The following FAM227B variants were observed in gnomAD, a reference collection of about 807,000 sequenced individuals.
FAM227B encodes the protein protein FAM227B.
Under a neutral mutation model 73.8 loss-of-function variants are expected in FAM227B, and 88 were observed. The observed-to-expected ratio is 1.19, with a 90% CI of 1.00 to 1.42. FAM227B has a LOEUF of 1.42. Among genes scored for constraint, FAM227B ranks in the 40% most tolerant of loss-of-function variants. The pLI is 0.00. For missense variants in FAM227B, 632 were observed against 590.9 expected, an observed-to-expected ratio of 1.07 and a Z score of -0.72; for synonymous variants, 210 against 190.5, an observed-to-expected ratio of 1.10 and a Z score of -0.84.
intron 11 of FAM227B, among the ~76,000 whole-genome samples, chr15:49,452,001 T>C (rs1441307094): frequency 6.6e-6 from 1 of 152,092 alleles, no homozygotes; most frequent in Non-Finnish European, 1.5e-5. Flanking sequence ...TGATATCTTA[T>C]ATCACTACTT....
chr15:49,601,403 C>G (rs936073181), intron 3 of FAM227B, among the ~76,000 whole-genome samples: 2 of 152,008 alleles, frequency 1.3e-5, no homozygotes, highest in African/African-American at 4.8e-5. Context: ...AAACTCTACA[C>G]TTTAACTCCC....
intron 13 of FAM227B, among the ~76,000 whole-genome samples, chr15:49,361,076 A>G (rs909990755): frequency 6.6e-6 from 1 of 152,186 alleles, no homozygotes; most frequent in African/African-American, 2.4e-5. Flanking sequence ...GTTAGGAGGG[A>G]TAAATGATAA....
At chr15:49,614,052 T>C (rs537217205) in intron 2 of FAM227B, among the ~76,000 whole-genome samples, 6 of 152,352 alleles carry the variant, frequency 3.9e-5, no homozygotes, top group African/African-American at 1.4e-4. Flanking sequence ...ATTTAAGCAT[T>C]GACTTTTTTT....
At chr15:49,552,544 C>T (rs2073155594) in intron 9 of FAM227B, among the ~76,000 whole-genome samples, 1 of 152,024 alleles carries the variant, frequency 6.6e-6, no homozygotes, top group Admixed American at 6.6e-5. Flanking sequence ...AGGAAATTGC[C>T]TATTATCCCT....
intron 11 of FAM227B, among the ~76,000 whole-genome samples, chr15:49,472,037 T>C (rs1342633704): frequency 1.3e-5 from 2 of 148,506 alleles, no homozygotes; most frequent in African/African-American, 4.9e-5. Context: ...AAAAAAAAGC[T>C]GTGAAAGTAA....
chr15:49,411,830 G>A (rs538104400), intron 11 of FAM227B, among the ~76,000 whole-genome samples: 12 of 151,766 alleles, frequency 7.9e-5, no homozygotes, highest in African/African-American at 1.2e-4. Flanking sequence ...TTTTTGCTTC[G>A]CAGACATTTC....
chr15:49,448,824 AG>A (rs1268476441), intron 11 of FAM227B, among the ~76,000 whole-genome samples: 2 of 151,798 alleles, frequency 1.3e-5, no homozygotes, highest in Non-Finnish European at 2.9e-5. Context: ...CTTTTCTTGA[AG>A]CTCTCCAAGA....
chr15:49,607,808 T>C (rs2077619083), intron 3 of FAM227B, among the ~76,000 whole-genome samples: 1 of 152,220 alleles, frequency 6.6e-6, no homozygotes, highest in Non-Finnish European at 1.5e-5. Flanking sequence ...GGCTGTATTA[T>C]TAAATGGATA....
chr15:49,429,372 T>C (rs1292917402), intron 11 of FAM227B, among the ~76,000 whole-genome samples: 1 of 151,964 alleles, frequency 6.6e-6, no homozygotes, highest in Non-Finnish European at 1.5e-5. Context: ...TTTTATAATC[T>C]TTTCTTTTTG....
At chr15:49,397,643 G>T (rs552612972) in intron 11 of FAM227B, among the ~76,000 whole-genome samples, 12 of 152,324 alleles carry the variant, frequency 7.9e-5, no homozygotes, top group African/African-American at 2.6e-4. Flanking sequence ...GACTAACAGC[G>T]GATCTCTTGG....
intron 10 of FAM227B, among the ~76,000 whole-genome samples, chr15:49,539,882 C>T (rs1379847028): frequency 6.6e-6 from 1 of 152,124 alleles, no homozygotes; most frequent in Non-Finnish European, 1.5e-5. Context: ...GCTAGCTTGT[C>T]GTGAAAATGA....
At chr15:49,476,100 C>A (rs1195030348) in intron 11 of FAM227B, among the ~76,000 whole-genome samples, 1 of 152,028 alleles carries the variant, frequency 6.6e-6, no homozygotes, top group African/African-American at 2.4e-5. Context: ...ATCTTTTCTA[C>A]CTATGTCAAC....
At chr15:49,555,555 G>A (rs972124309) in intron 9 of FAM227B, among the ~76,000 whole-genome samples, 3 of 152,154 alleles carry the variant, frequency 2.0e-5, no homozygotes, top group African/African-American at 7.2e-5. Context: ...ATAGTATTTT[G>A]CAGTTCTTCA....
intron 2 of FAM227B, chr15:49,614,854 C>T: frequency 5.2e-6 from 2 of 387,576 alleles, no homozygotes; most frequent in South Asian, 4.6e-5. Context: ...TTCTTCCTTG[C>T]TATATAAAAC....
chr15:49,600,557 G>C (rs1347771687), intron 3 of FAM227B, among the ~76,000 whole-genome samples: 1 of 150,860 alleles, frequency 6.6e-6, no homozygotes, highest in East Asian at 1.9e-4. Context: ...AGGAGGCTGA[G>C]GCAGGGAGAA....
chr15:49,617,627 T>TAA (rs61396000), intron 1 of FAM227B, among the ~76,000 whole-genome samples: 13 of 151,682 alleles, frequency 8.6e-5, no homozygotes, highest in Non-Finnish European at 1.6e-4. Context: ...TGCAAGATAC[T>TAA]AAAAAAAAAT....
chr15:49,387,839 G>A (rs899603392), intron 11 of FAM227B, among the ~76,000 whole-genome samples: 1 of 151,800 alleles, frequency 6.6e-6, no homozygotes, highest in African/African-American at 2.4e-5. Flanking sequence ...GCATCAAGCT[G>A]AGAATCAGAT....
At chr15:49,542,932 A>G (rs1465951532) in intron 9 of FAM227B, among the ~76,000 whole-genome samples, 3 of 151,900 alleles carry the variant, frequency 2.0e-5, no homozygotes, top group Non-Finnish European at 4.4e-5. Flanking sequence ...GGCTGGTTTC[A>G]TATTTTTGCA....
chr15:49,562,696 C>A (rs531972109), intron 9 of FAM227B, among the ~76,000 whole-genome samples: 1 of 151,996 alleles, frequency 6.6e-6, no homozygotes, highest in Non-Finnish European at 1.5e-5. Flanking sequence ...GTTGGTTCAG[C>A]GTACACAAAT....
Sources: gnomAD v4.1 joint callset for allele counts (sites outside exome capture counted in the v4.1 genomes callset) on GRCh38, gnomAD v4.1.1 for gene constraint, MANE v1.5 for transcripts, NCBI Gene and HGNC (gene_info 2026-07-23, HGNC 2026-07-21) for gene names.